GABPB1: variants seen among roughly 807,000 people sequenced by gnomAD.
GABPB1 encodes the protein GA binding protein transcription factor subunit beta 1.
In GABPB1, 15 loss-of-function variants were observed where a neutral mutation model predicts 45.9. The observed-to-expected ratio is 0.33, with a 90% CI of 0.22 to 0.50. The LOEUF is 0.50. Among genes scored for constraint, GABPB1 ranks in the 20% least tolerant of loss-of-function variants. GABPB1 has a pLI of 0.98. For synonymous variants in GABPB1, 143 were observed against 154.4 expected, an observed-to-expected ratio of 0.93 and a Z score of 0.55; for missense variants, 252 against 457.5, an observed-to-expected ratio of 0.55 and a Z score of 4.10.
rs570169962 is a variant in GABPB1 at position 50,332,504 on chromosome 15, C to T, written c.-1+22481G>A. Among the ~76,000 whole-genome samples, 5 of 152,072 alleles carry T rather than the reference C, an allele frequency of 3.3e-5. No individual in the cohort carries two copies. The East Asian group carries it at 7.7e-4, about 23-fold the overall frequency. The stretch of plus-strand genomic sequence containing the variant: ...ATTGGGAAAATGTGAATACTAACTA[C>T]ATAATGCTAAGAAATTATTGATTTT... On this transcript the variant is annotated intron_variant, in intron 1 of 8. Transcript: ENST00000380877.
At chr15:50,313,169 G>A (rs1457524805) in intron 1 of GABPB1, among the ~76,000 whole-genome samples, 1 of 152,166 alleles carries the variant, frequency 6.6e-6, no homozygotes, top group East Asian at 1.9e-4. Flanking sequence ...ATGAAAAGGT[G>A]GGGGAAAAGT....
chr15:50,348,663 A>G (rs2048700305), intron 1 of GABPB1, among the ~76,000 whole-genome samples: 1 of 151,756 alleles, frequency 6.6e-6, no homozygotes, highest in Admixed American at 6.6e-5. Context: ...AGAGATCAAG[A>G]CCATCCTGAC....
intron 1 of GABPB1, among the ~76,000 whole-genome samples, chr15:50,333,137 T>C (rs2048001810): frequency 6.6e-6 from 1 of 152,172 alleles, no homozygotes; most frequent in Non-Finnish European, 1.5e-5. Context: ...TAGCCCTATG[T>C]AGCTTATGAC....
intron 6 of GABPB1, among the ~76,000 whole-genome samples, chr15:50,298,905 C>T (rs2046619780): frequency 6.8e-6 from 1 of 146,548 alleles, no homozygotes; most frequent in Non-Finnish European, 1.5e-5. Context: ...TGAGCCAAAA[C>T]TGTACCACTG....
chr15:50,346,195 T>C (rs995477713), intron 1 of GABPB1, among the ~76,000 whole-genome samples: 1 of 152,190 alleles, frequency 6.6e-6, no homozygotes, highest in Non-Finnish European at 1.5e-5. Flanking sequence ...TGTACCCTGT[T>C]TTCCTTTTTC....
At chr15:50,334,038 AAAAAAAGAAAAAG>A (rs2048034964) in intron 1 of GABPB1, among the ~76,000 whole-genome samples, 1 of 151,698 alleles carries the variant, frequency 6.6e-6, no homozygotes, top group Non-Finnish European at 1.5e-5. Context: ...CTCAAAAAAA[AAAAAAAGAAAAAG>A]AAAAAAAGAA....
chr15:50,341,132 G>A (rs1162078267), intron 1 of GABPB1, among the ~76,000 whole-genome samples: 43 of 151,648 alleles, frequency 2.8e-4, no homozygotes, highest in Non-Finnish European at 1.5e-5. Context: ...CTTAAATTGT[G>A]GTTTGGCCAA....
intron 1 of GABPB1, among the ~76,000 whole-genome samples, chr15:50,334,595 C>T (rs1363244141): frequency 7.3e-6 from 1 of 137,252 alleles, no homozygotes; most frequent in African/African-American, 2.7e-5. Flanking sequence ...ATAACTTTGA[C>T]TTCCTGGACT....
chr15:50,303,223 A>C, intron 3 of GABPB1, 100 bp from the exon 4 acceptor site: 1 of 887,604 alleles, frequency 1.1e-6, no homozygotes. Flanking sequence ...AAGAACAAAT[A>C]ATGTAGTCAA....
intron 1 of GABPB1, among the ~76,000 whole-genome samples, chr15:50,334,505 CTTTTTTTTTT>C (rs60433481): frequency 9.1e-6 from 1 of 109,406 alleles, no homozygotes; most frequent in Non-Finnish European, 1.8e-5. Flanking sequence ...TCTTTTTTTC[CTTTTTTTTTT>C]TTTTTTTTTT....
At chr15:50,319,991 C>A (rs2047501721) in intron 1 of GABPB1, among the ~76,000 whole-genome samples, 1 of 152,132 alleles carries the variant, frequency 6.6e-6, no homozygotes, top group Non-Finnish European at 1.5e-5. Flanking sequence ...CAGATCTTTT[C>A]TATGCATATT....
At position 50,278,556 on chromosome 15, in the gene GABPB1, G is replaced by C; in HGVS notation, c.*76C>G. 8.3e-7 allele frequency: 1 copy of C among 1,201,540 alleles called. No homozygotes were observed. The highest frequency in any genetic ancestry group is 2.4e-5 in the East Asian group (1 of 40,908). The allele number at this position is 1,201,540 out of a possible 1,614,324, so 74.4% of individuals were successfully genotyped here. ...TCTATCATTCTGTATTCCCATGGCTGTACCTTTGTTGTGTACAGTTCAAGA... is the reference window on the plus strand; with the variant it reads ...TCTATCATTCTGTATTCCCATGGCTCTACCTTTGTTGTGTACAGTTCAAGA... On this transcript the variant is annotated 3_prime_UTR_variant, in exon 9 of 9. Coordinates refer to ENST00000380877, the MANE Select transcript of GABPB1 (RefSeq NM_016654.5).
chr15:50,315,037 A>T (rs28886692), intron 1 of GABPB1, among the ~76,000 whole-genome samples: 97,530 of 152,158 alleles, frequency 0.64, 32,644 homozygotes, highest in African/African-American at 0.82. Context: ...TTAATACACA[A>T]TTTATTATAA....
At chr15:50,333,551 T>C (rs1343039712) in intron 1 of GABPB1, among the ~76,000 whole-genome samples, 2 of 152,296 alleles carry the variant, frequency 1.3e-5, no homozygotes, top group Non-Finnish European at 2.9e-5. Flanking sequence ...CATTGAACAC[T>C]GCTGCTTTAA....
intron 1 of GABPB1, among the ~76,000 whole-genome samples, chr15:50,334,880 T>C (rs1189769646): frequency 6.6e-6 from 1 of 152,248 alleles, no homozygotes; most frequent in African/African-American, 2.4e-5. Flanking sequence ...ATTATATATC[T>C]TTTAATTCTA....
intron 2 of GABPB1, among the ~76,000 whole-genome samples, chr15:50,306,160 G>C (rs2046941246): frequency 6.6e-6 from 1 of 151,938 alleles, no homozygotes. Context: ...TTTTGTTTGA[G>C]ATGGGGTCTA....
chr15:50,323,052 G>C (rs1004824891), intron 1 of GABPB1, among the ~76,000 whole-genome samples: 1 of 152,140 alleles, frequency 6.6e-6, no homozygotes, highest in Admixed American at 6.5e-5. Context: ...TAATATTTTG[G>C]ATGTAAGGGA....
At chr15:50,279,616 A>G (rs2045912990) in intron 8 of GABPB1, among the ~76,000 whole-genome samples, 1 of 152,142 alleles carries the variant, frequency 6.6e-6, no homozygotes, top group African/African-American at 2.4e-5. Context: ...TGCAGGAAAA[A>G]CAAGGAGAAA....
At chr15:50,310,379 C>G (rs75858464) in intron 1 of GABPB1, among the ~76,000 whole-genome samples, 10,477 of 152,250 alleles carry the variant, frequency 0.069, 607 homozygotes, top group East Asian at 0.2. Context: ...AGGCATGAGC[C>G]ACCCCACCCA....
Sources: allele counts gnomAD v4.1 joint callset (sites outside exome capture counted in the v4.1 genomes callset), GRCh38; gene constraint gnomAD v4.1.1; transcripts MANE v1.5; gene names NCBI Gene and HGNC (gene_info 2026-07-23, HGNC 2026-07-21).